DCC: variants seen among roughly 807,000 people sequenced by gnomAD.
The protein encoded by DCC is netrin receptor DCC.
In DCC, 58 loss-of-function variants were observed where a neutral mutation model predicts 172.5. The observed-to-expected ratio is 0.34, with a 90% CI of 0.27 to 0.42. The LOEUF is 0.42. Ranked by LOEUF, DCC falls within the 10% of genes least tolerant of loss-of-function variation. The pLI is 1.00. For synonymous variants in DCC, 709 were observed against 644.5 expected, an observed-to-expected ratio of 1.10 and a Z score of -1.52; for missense variants, 1,740 against 1,791.0, an observed-to-expected ratio of 0.97 and a Z score of 0.51.
chr18:52,432,901 G>A (rs1217946107), intron 1 of DCC, among the ~76,000 whole-genome samples: 4 of 152,078 alleles, frequency 2.6e-5, no homozygotes, highest in Non-Finnish European at 4.4e-5. Flanking sequence ...ATTGGCAAAC[G>A]GTAATTCTGT....
At chr18:53,101,062 T>C (rs552364837) in intron 7 of DCC, among the ~76,000 whole-genome samples, 193 of 152,274 alleles carry the variant, frequency 1.3e-3, no homozygotes, top group African/African-American at 4.0e-3. Context: ...CTGTCTTTTT[T>C]GCTTTCCTAA....
chr18:52,408,294 G>A (rs1038231260), intron 1 of DCC, among the ~76,000 whole-genome samples: 1 of 138,188 alleles, frequency 7.2e-6, no homozygotes, highest in Non-Finnish European at 1.6e-5. Flanking sequence ...TATATAAAAT[G>A]TAGTTAGAAG....
At chr18:53,307,630 T>G (rs528246009) in intron 13 of DCC, among the ~76,000 whole-genome samples, 25 of 151,826 alleles carry the variant, frequency 1.6e-4, no homozygotes, top group Middle Eastern at 3.4e-3. Context: ...AGGATTAATA[T>G]TCCAATAAAA....
intron 1 of DCC, among the ~76,000 whole-genome samples, chr18:52,545,128 C>T (rs75244921): frequency 0.019 from 2,881 of 152,260 alleles, 103 homozygotes; most frequent in African/African-American, 0.066. Flanking sequence ...AAGCATGGAC[C>T]GCTCTCATTC....
intron 12 of DCC, among the ~76,000 whole-genome samples, chr18:53,243,039 G>A (rs8087057): frequency 0.093 from 14,071 of 152,114 alleles, 2,015 homozygotes; most frequent in African/African-American, 0.31. Flanking sequence ...ATTCAAGAAG[G>A]AACATTTTTA....
rs1910451705 is a variant in DCC at position 53,418,505 on chromosome 18, G to T, written c.3163+2349G>T. On this transcript the variant is annotated intron_variant, in intron 21 of 28. Coordinates refer to ENST00000442544, the MANE Select transcript of DCC (RefSeq NM_005215.4). Reference sequence around the variant, plus strand: ...ATTTGCCCCCTTCTCATGGAGAAATGATCCCACTATTACATTTATGACAGG... The same window carrying T: ...ATTTGCCCCCTTCTCATGGAGAAATTATCCCACTATTACATTTATGACAGG... Among the ~76,000 whole-genome samples, 3 of 152,106 alleles carry T rather than the reference G, an allele frequency of 2.0e-5. No individual in the cohort carries two copies. In the South Asian group the frequency reaches 6.2e-4, roughly 32 times the overall value.
intron 5 of DCC, among the ~76,000 whole-genome samples, chr18:52,953,508 C>A (rs942301359): frequency 2.0e-5 from 3 of 152,180 alleles, no homozygotes; most frequent in African/African-American, 7.2e-5. Context: ...CCTTCCAGAA[C>A]AGTGGCCTGT....
At chr18:52,427,876 C>T (rs1354856279) in intron 1 of DCC, among the ~76,000 whole-genome samples, 2 of 125,514 alleles carry the variant, frequency 1.6e-5, no homozygotes, top group Non-Finnish European at 3.5e-5. Flanking sequence ...TCCTTCCTTC[C>T]TTCCTTCCTT....
intron 5 of DCC, among the ~76,000 whole-genome samples, chr18:52,940,756 T>A (rs1189522181): frequency 2.0e-5 from 3 of 152,296 alleles, no homozygotes; most frequent in Non-Finnish European, 4.4e-5. Context: ...AGAAAAGATA[T>A]CTTAATTGAT....
At chr18:53,449,811 C>G (rs1038786443) in intron 22 of DCC, among the ~76,000 whole-genome samples, 1 of 152,230 alleles carries the variant, frequency 6.6e-6, no homozygotes, top group Middle Eastern at 3.4e-3. Flanking sequence ...TCAGTGTATT[C>G]ATAAGCTTGG....
At chr18:52,480,233 A>G (rs1205796691) in intron 1 of DCC, among the ~76,000 whole-genome samples, 8 of 151,660 alleles carry the variant, frequency 5.3e-5, no homozygotes, top group African/African-American at 1.9e-4. Flanking sequence ...AAACTGCTAA[A>G]TAATTTATTA....
intron 2 of DCC, among the ~76,000 whole-genome samples, chr18:52,878,599 A>C (rs1453417783): frequency 6.6e-6 from 1 of 152,086 alleles, no homozygotes; most frequent in Non-Finnish European, 1.5e-5. Context: ...ACACACACTA[A>C]ACCACCTTTC....
intron 2 of DCC, among the ~76,000 whole-genome samples, chr18:52,797,985 A>C (rs1352049392): frequency 6.6e-6 from 1 of 151,848 alleles, no homozygotes; most frequent in Non-Finnish European, 1.5e-5. Context: ...GACCTGTTAG[A>C]CCTCCATATG....
chr18:53,452,420 G>A (rs1192372683), intron 23 of DCC, among the ~76,000 whole-genome samples: 3 of 152,044 alleles, frequency 2.0e-5, no homozygotes, highest in South Asian at 2.1e-4. Flanking sequence ...AAGAATGTTC[G>A]AGCATTAGAT....
At chr18:52,888,041 CTT>C (rs1283256279) in intron 2 of DCC, among the ~76,000 whole-genome samples, 13 of 152,180 alleles carry the variant, frequency 8.5e-5, no homozygotes, top group Admixed American at 6.5e-5. Context: ...AAGTGAGTCT[CTT>C]TATCCATTTT....
intron 1 of DCC, among the ~76,000 whole-genome samples, chr18:52,397,175 G>C (rs1003494010): frequency 6.6e-6 from 1 of 151,768 alleles, no homozygotes; most frequent in Admixed American, 6.6e-5. Context: ...AAATTACGTG[G>C]GGAGCATGTA....
intron 1 of DCC, among the ~76,000 whole-genome samples, chr18:52,341,493 T>A (rs1200667728): frequency 2.0e-5 from 3 of 152,202 alleles, no homozygotes; most frequent in Non-Finnish European, 4.4e-5. Context: ...AATATTGTTT[T>A]ATTTTTTAAC....
chr18:53,109,948 T>TG lies in DCC; in HGVS notation c.1261+43782_1261+43783insG, dbSNP rs201929518. ...ATCAGCATTGAAAACTCTGAAAGTATTTTTTTTTTCTGGGAAATAGTGCAT... is the reference window on the plus strand; with the variant it reads ...ATCAGCATTGAAAACTCTGAAAGTATGTTTTTTTTTCTGGGAAATAGTGCAT... On this transcript the variant is annotated intron_variant, in intron 7 of 28. Transcript: ENST00000442544. Among the ~76,000 whole-genome samples, 236 of 149,366 alleles carry TG rather than the reference T, an allele frequency of 1.6e-3. 2 individuals carry two copies. Among genetic ancestry groups the TG allele is most frequent in the African/African-American group, 4.9e-3 (201 of 40,976 alleles).
intron 8 of DCC, among the ~76,000 whole-genome samples, chr18:53,178,471 T>C (rs1056382202): frequency 6.6e-6 from 1 of 152,162 alleles, no homozygotes; most frequent in African/African-American, 2.4e-5. Context: ...GCTCCATACA[T>C]AGAACACTAA....
Sources: allele counts gnomAD v4.1 joint callset (sites outside exome capture counted in the v4.1 genomes callset), GRCh38; gene constraint gnomAD v4.1.1; transcripts MANE v1.5; gene names NCBI Gene and HGNC (gene_info 2026-07-23, HGNC 2026-07-21).